BRAP: variants seen among roughly 807,000 people sequenced by gnomAD.
The protein encoded by BRAP is BRCA1-associated protein.
BRAP carries 42 observed loss-of-function variants against 73.4 expected under a neutral mutation model. That is an observed-to-expected ratio of 0.57 (90% CI 0.45 to 0.74). BRAP has a LOEUF of 0.74. Ranked by LOEUF, BRAP falls within the 30% of genes least tolerant of loss-of-function variation. The pLI is 0.00. For missense variants in BRAP, 593 were observed against 751.4 expected (o/e 0.79, Z 2.46); for synonymous variants, 255 against 267.4 (o/e 0.95, Z 0.45).
intron 3 of BRAP, among the ~76,000 whole-genome samples, chr12:111,680,495 G>A (rs571972192): frequency 6.9e-4 from 103 of 150,002 alleles, no homozygotes; most frequent in Admixed American, 1.3e-3. Context: ...TTAGGAGTTC[G>A]AGACCAGCCT....
Position 111,644,046 on chromosome 12 carries a change from T to C in BRAP, c.*153A>G. 1 of 1,209,688 alleles carries C rather than the reference T, an allele frequency of 8.3e-7. No homozygotes were observed. Among genetic ancestry groups the C allele is most frequent in the South Asian group, 1.6e-5 (1 of 63,026 alleles). 74.9% of individuals were successfully genotyped at this position (1,209,688 alleles called of 1,614,324 possible). ...TCCAGTCAGCACCCTTTACATTCAC[T>C]ACATCACACACTAGCAAATGAAAGA... On this transcript the variant is annotated 3_prime_UTR_variant, in exon 12 of 12. Transcript: ENST00000419234.
Position 111,667,698 on chromosome 12 carries a change from C to CAAAA in BRAP, c.748-1915_748-1912dup, listed in dbSNP as rs565349424. ...TGGGAGACAGAGTGAAACTCCGTCT[C>CAAAA]AAAAAAAAAAAAAAAAAAAAAAAGC... On this transcript the variant is annotated intron_variant, in intron 5 of 11. Coordinates refer to ENST00000419234, the MANE Select transcript of BRAP (RefSeq NM_006768.5). Among the ~76,000 whole-genome samples the CAAAA allele has an allele frequency of 5.2e-3, 111 of 21,264 alleles. 14 individuals carry two copies. Among genetic ancestry groups the CAAAA allele is most frequent in the African/African-American group, 0.014 (71 of 5,178 alleles). The allele number at this position is 21,264 out of a possible 152,430, so 14.0% of individuals were successfully genotyped here.
At chr12:111,667,471 C>A (rs1277063493) in intron 5 of BRAP, among the ~76,000 whole-genome samples, 1 of 151,822 alleles carries the variant, frequency 6.6e-6, no homozygotes, top group African/African-American at 2.4e-5. Flanking sequence ...GAGGCCGAGG[C>A]GGGTGGATCA....
Position 111,658,358 on chromosome 12 carries a change from T to C in BRAP, c.1221+378A>G, listed in dbSNP as rs564187482. On this transcript the variant is annotated intron_variant, in intron 9 of 11. Transcript: ENST00000419234. ...TCTTGTTGCCCAAGCTGGAGTGCAATGACCCGATCTCGGCTCACTGCAACC... is the reference window on the plus strand; with the variant it reads ...TCTTGTTGCCCAAGCTGGAGTGCAACGACCCGATCTCGGCTCACTGCAACC... Among the ~76,000 whole-genome samples the C allele has an allele frequency of 2.0e-5, 3 of 152,012 alleles. No individual in the cohort carries two copies. In the South Asian group the frequency reaches 6.2e-4, roughly 32 times the overall value.
chr12:111,653,566 G>C (rs963475694), intron 10 of BRAP, among the ~76,000 whole-genome samples: 1 of 152,050 alleles, frequency 6.6e-6, no homozygotes, highest in Non-Finnish European at 1.5e-5. Flanking sequence ...CTATAATAAC[G>C]GCACTACCTA....
chr12:111,650,145 T>C (rs1886263425), intron 10 of BRAP, 103 bp from the exon 11 acceptor site: 1 of 664,620 alleles, frequency 1.5e-6, no homozygotes, highest in Non-Finnish European at 2.3e-6. Context: ...TATATAACTT[T>C]GACAAACCAA....
chr12:111,679,519 C>T lies in BRAP; in HGVS notation c.444-179G>A, dbSNP rs537053259. Among the ~76,000 whole-genome samples the T allele has an allele frequency of 4.6e-5, 7 of 152,184 alleles. No homozygotes were observed. In the East Asian group the frequency reaches 7.7e-4, roughly 17 times the overall value. On this transcript the variant is annotated intron_variant, in intron 3 of 11. Coordinates refer to ENST00000419234, the MANE Select transcript of BRAP (RefSeq NM_006768.5). The stretch of plus-strand genomic sequence containing the variant: ...TTAATCTTCAGTTCAACATTTATTA[C>T]GGTTATAAATCTGCATTCGGTAAAT...
At chr12:111,663,192 G>A (rs773357524) in intron 6 of BRAP, among the ~76,000 whole-genome samples, 1 of 152,050 alleles carries the variant, frequency 6.6e-6, no homozygotes, top group Non-Finnish European at 1.5e-5. Flanking sequence ...AGTGGCTGAC[G>A]CCCATAATCC....
intron 1 of BRAP, among the ~76,000 whole-genome samples, 154 bp from the exon 2 acceptor site, chr12:111,683,461 A>G (rs1887681709): frequency 6.6e-6 from 1 of 152,192 alleles, no homozygotes; most frequent in South Asian, 2.1e-4. Context: ...CTCTGGGACC[A>G]CTGCAGTACA....
At chr12:111,669,146 G>A (rs781441837) in intron 5 of BRAP, among the ~76,000 whole-genome samples, 23 of 152,128 alleles carry the variant, frequency 1.5e-4, no homozygotes, top group Admixed American at 1.3e-4. Flanking sequence ...GGCTGTTCCT[G>A]GGAGCCAGAC....
chr12:111,685,775 A>C lies in BRAP; in HGVS notation c.18T>G (p.Val6=). 1.2e-6 allele frequency: 2 copies of C among 1,610,008 alleles called. No homozygotes were observed. The highest frequency in any genetic ancestry group is 4.5e-5 in the East Asian group (2 of 44,610). The part of the protein sequence containing the change: MSVSL[V]VIRLELAEHS... ...GTTCCGCGAGCTCCAATCGGATAAC[A>C]ACCAGTGACACACTCATAGGGCAGG... Residue 6 remains valine (V), a synonymous_variant, in exon 1 of 12, where the codon GTT becomes GTG. Coordinates refer to ENST00000419234, the MANE Select transcript of BRAP (RefSeq NM_006768.5).
At chr12:111,685,541 G>C (rs764672503) in intron 1 of BRAP, 170 bp downstream of exon 1, 1 of 1,332,444 alleles carries the variant, frequency 7.5e-7, no homozygotes, top group African/African-American at 1.5e-5. Context: ...GATAACAAAC[G>C]GGAAGGCCTC....
chr12:111,669,192 C>T (rs1489821870), intron 5 of BRAP, among the ~76,000 whole-genome samples: 1 of 151,798 alleles, frequency 6.6e-6, no homozygotes, highest in Non-Finnish European at 1.5e-5. Context: ...AGAGTAACTG[C>T]TTACAGTTTT....
intron 4 of BRAP, among the ~76,000 whole-genome samples, chr12:111,675,252 C>T (rs1214201066): frequency 4.0e-5 from 6 of 151,380 alleles, no homozygotes; most frequent in Admixed American, 1.3e-4. Context: ...CAGAGTGAGA[C>T]CTTGTCTCCA....
At chr12:111,669,232 C>CTT (rs145945097) in intron 5 of BRAP, among the ~76,000 whole-genome samples, 1 of 143,340 alleles carries the variant, frequency 7.0e-6, no homozygotes, top group Admixed American at 7.0e-5. Context: ...GCTTCTCTCT[C>CTT]TTTTTTTTTT....
At chr12:111,651,038 G>C (rs976905023) in intron 10 of BRAP, among the ~76,000 whole-genome samples, 38 of 152,056 alleles carry the variant, frequency 2.5e-4, no homozygotes, top group African/African-American at 8.7e-4. Context: ...CAACTCCACT[G>C]GTCTAAGGAC....
At chr12:111,649,849 T>G (rs1953445838) in intron 11 of BRAP, 90 bp downstream of exon 11, 1 of 892,658 alleles carries the variant, frequency 1.1e-6, no homozygotes, top group African/African-American at 1.7e-5. Context: ...TGGTGATACA[T>G]ATATTTGAAA....
chr12:111,661,187 C>A (rs761934893), intron 6 of BRAP, among the ~76,000 whole-genome samples: 2 of 150,864 alleles, frequency 1.3e-5, no homozygotes, highest in Non-Finnish European at 2.9e-5. Flanking sequence ...ACCATGTTGG[C>A]CAGGATGGTC....
At chr12:111,647,811 C>T (rs545458321) in intron 11 of BRAP, among the ~76,000 whole-genome samples, 2 of 151,692 alleles carry the variant, frequency 1.3e-5, no homozygotes, top group African/African-American at 4.8e-5. Context: ...AGGAGAATTG[C>T]TTGAACCCCG....
Sources: gnomAD v4.1 joint callset for allele counts (sites outside exome capture counted in the v4.1 genomes callset) on GRCh38, gnomAD v4.1.1 for gene constraint, MANE v1.5 for transcripts, NCBI Gene and HGNC (gene_info 2026-07-23, HGNC 2026-07-21) for gene names.